Variants in PARP6 observed in about 807,000 individuals in gnomAD.
PARP6 encodes the protein protein mono-ADP-ribosyltransferase PARP6.
Under a neutral mutation model 92.0 loss-of-function variants are expected in PARP6, and 27 were observed. That is an observed-to-expected ratio of 0.29 (90% confidence interval 0.22 to 0.40). The LOEUF (loss-of-function observed/expected upper bound fraction) is 0.40, where lower values mean the gene tolerates loss of function less well. Ranked by LOEUF, PARP6 falls within the 10% of genes least tolerant of loss-of-function variation. The pLI, the probability that PARP6 is intolerant of heterozygous loss-of-function variation, is 1.00. For synonymous variants in PARP6, 272 were observed against 281.2 expected (o/e 0.97, Z 0.33); for missense variants, 501 against 784.5 (o/e 0.64, Z 4.32).
intron 7 of PARP6, 66 bp from the exon 8 acceptor site, chr15:72,264,687 G>T: frequency 8.1e-7 from 1 of 1,238,182 alleles, no homozygotes; most frequent in Non-Finnish European, 1.2e-6. Context: ...CCAAAGCTCA[G>T]TGGAATAGCT....
intron 7 of PARP6, 39 bp from the exon 8 acceptor site, chr15:72,264,660 T>G (rs989621041): frequency 6.5e-7 from 1 of 1,541,958 alleles, no homozygotes; most frequent in African/African-American, 1.4e-5. Context: ...AGTACATATC[T>G]CTTGTCTTCC....
intron 8 of PARP6, 119 bp from the exon 9 acceptor site, chr15:72,261,826 G>A: frequency 1.1e-6 from 1 of 938,046 alleles, no homozygotes; most frequent in African/African-American, 1.6e-5. Flanking sequence ...TTGTGGTAGG[G>A]GAATGTGTAT....
At position 72,241,769 on chromosome 15, in the gene PARP6, C is replaced by T. The variant is rs1476536283; in HGVS notation, c.1790+132G>A. 2 of 802,628 alleles carry T rather than the reference C, an allele frequency of 2.5e-6. No homozygotes were observed. Among genetic ancestry groups the T allele is most frequent in the African/African-American group, 1.7e-5 (1 of 59,268 alleles). 49.7% of individuals were successfully genotyped at this position (802,628 alleles called of 1,614,324 possible). On this transcript the variant is annotated intron_variant, in intron 23 of 23. Coordinates refer to ENST00000569795, the MANE Select transcript of PARP6 (RefSeq NM_001323532.2). This position sits in a 1 kb window ranked among gnomAD's most constrained non-coding sequence, Gnocchi z 4.1. Reference sequence around the variant, plus strand: ...ATTCCCATCCTCCAATGGTAAAGTCCCAGTGACAGCTCCACTCAGGTAGCC... The same window carrying T: ...ATTCCCATCCTCCAATGGTAAAGTCTCAGTGACAGCTCCACTCAGGTAGCC...
chr15:72,262,800 G>C (rs1397550356), intron 8 of PARP6, among the ~76,000 whole-genome samples: 4 of 152,066 alleles, frequency 2.6e-5, no homozygotes, highest in African/African-American at 9.7e-5. Flanking sequence ...ATTCTACTCT[G>C]ACCTACCTGC....
chr15:72,260,347 A>T, intron 10 of PARP6, 131 bp downstream of exon 10: 1 of 709,978 alleles, frequency 1.4e-6, no homozygotes, highest in Non-Finnish European at 2.4e-6. Flanking sequence ...CTACTCACTC[A>T]TGGTACATAC....
chr15:72,258,006 A>C (rs376983182), intron 12 of PARP6, 31 bp downstream of exon 12: 4 of 1,472,306 alleles, frequency 2.7e-6, no homozygotes, highest in Non-Finnish European at 3.8e-6. Context: ...GACCTGGTTA[A>C]GGAAGAGGGT....
intron 12 of PARP6, among the ~76,000 whole-genome samples, chr15:72,257,780 A>T (rs2085322411): frequency 6.6e-6 from 1 of 152,202 alleles, no homozygotes; most frequent in Non-Finnish European, 1.5e-5. Flanking sequence ...ACAGCATCAT[A>T]TCCAATCATC....
chr15:72,243,223 A>T (rs1202094765), intron 20 of PARP6: 1 of 153,636 alleles, frequency 6.5e-6, no homozygotes, highest in Non-Finnish European at 1.4e-5. Flanking sequence ...ACATTAGGGA[A>T]CCACTGCAGG....
chr15:72,251,926 T>C (rs990326015), intron 16 of PARP6, among the ~76,000 whole-genome samples: 7 of 152,362 alleles, frequency 4.6e-5, no homozygotes, highest in Non-Finnish European at 1.0e-4. Context: ...GTTGTCTTTG[T>C]TTTTTGTGCC....
chr15:72,267,065 T>G (rs2086696829), intron 3 of PARP6: 1 of 524,598 alleles, frequency 1.9e-6, no homozygotes, highest in South Asian at 2.3e-5. Context: ...AATTTTGGCC[T>G]TCTGAAGTCT....
intron 20 of PARP6, among the ~76,000 whole-genome samples, chr15:72,247,730 T>A (rs1446720490): frequency 6.6e-6 from 1 of 152,198 alleles, no homozygotes; most frequent in Non-Finnish European, 1.5e-5. Context: ...TAGAAATTTA[T>A]CCATTTTATC....
In PARP6 at chr15:72,249,307, C is replaced by A; in HGVS notation, c.1499G>T (p.Gly500Val). Residue 500 changes from glycine to valine, a missense_variant, in exon 20 of 24, where the codon GGA (glycine) becomes GTA (valine). Around this residue, in one of 4 missense-constraint regions of PARP6, gnomAD observed 191 missense variants for 399.1 expected, o/e 0.48. Coordinates refer to ENST00000569795, the MANE Select transcript of PARP6 (RefSeq NM_001323532.2). ...NASYTKLQLH[G>V]AAYGKGIYLS... is the part of the protein sequence containing the mutation. The stretch of plus-strand genomic sequence containing the variant: ...GTAGATGCCTTTGCCATAGGCTGCT[C>A]CATGCAGCTTGCAGGGAAACACCAG... 6.3e-7 allele frequency: 1 copy of A among 1,588,616 alleles called. No homozygotes were observed. Among genetic ancestry groups the A allele is most frequent in the Non-Finnish European group, 8.6e-7 (1 of 1,160,068 alleles).
rs920599953 is a variant in PARP6 at position 72,264,992 on chromosome 15, G to C, written c.328+89C>G. ...CCTGCAGATTGAGCCCAAGGACCTT[G>C]TTCCTAATTTTTTTCTACCTCAGTT... On this transcript the variant is annotated intron_variant, in intron 7 of 23. Transcript: ENST00000569795. 3.0e-5 allele frequency: 25 copies of C among 842,412 alleles called. No homozygotes were observed. In the African/African-American group the frequency reaches 4.2e-4, roughly 14 times the overall value. 52.2% of individuals were successfully genotyped at this position (842,412 alleles called of 1,614,324 possible).
intron 19 of PARP6, among the ~76,000 whole-genome samples, 160 bp from the exon 20 acceptor site, chr15:72,249,474 G>A (rs890900403): frequency 6.6e-6 from 1 of 152,258 alleles, no homozygotes; most frequent in African/African-American, 2.4e-5. Flanking sequence ...GCTGAAAAGT[G>A]GATGCAGGTT....
intron 20 of PARP6, chr15:72,244,304 G>C (rs2083369413): frequency 6.6e-6 from 1 of 152,158 alleles, no homozygotes; most frequent in Non-Finnish European, 1.5e-5. Flanking sequence ...CCCAAATCTT[G>C]TCCCAACTCA....
intron 20 of PARP6, among the ~76,000 whole-genome samples, chr15:72,246,351 T>C (rs776300634): frequency 5.3e-5 from 8 of 152,192 alleles, no homozygotes; most frequent in Non-Finnish European, 1.0e-4. Flanking sequence ...GGTTTCACCA[T>C]GTTGGTCAGG....
intron 3 of PARP6, 36 bp from the exon 4 acceptor site, chr15:72,266,858 G>T (rs1279890946): frequency 6.6e-7 from 1 of 1,504,182 alleles, no homozygotes; most frequent in Non-Finnish European, 9.3e-7. Flanking sequence ...TGCTTTGTTA[G>T]GTCCCTATTA....
At chr15:72,264,101 T>G (rs2086243702) in intron 8 of PARP6, among the ~76,000 whole-genome samples, 1 of 152,166 alleles carries the variant, frequency 6.6e-6, no homozygotes, top group Non-Finnish European at 1.5e-5. Context: ...TTCTAAACCT[T>G]ACATATTCAC....
intron 2 of PARP6, among the ~76,000 whole-genome samples, chr15:72,269,367 G>T (rs777162445): frequency 4.6e-5 from 7 of 151,892 alleles, no homozygotes; most frequent in Non-Finnish European, 1.0e-4. Flanking sequence ...CACCAGGTTG[G>T]CCAGGCTGGT....
Sources: gnomAD v4.1 joint callset for allele counts (sites outside exome capture counted in the v4.1 genomes callset) on GRCh38, gnomAD v4.1.1 for gene constraint, gnomAD v4.1.1 regional missense constraint, Gnocchi (gnomAD v3.1) non-coding constraint, MANE v1.5 for transcripts, NCBI Gene and HGNC (gene_info 2026-07-23, HGNC 2026-07-21) for gene names.